The following USH2A variants were observed in gnomAD, a reference collection of about 807,000 sequenced individuals.
USH2A encodes the protein Usher syndrome 2A (autosomal recessive, mild).
USH2A carries 443 observed loss-of-function variants against 538.9 expected under a neutral mutation model. The ratio of observed to expected loss-of-function variants is 0.82; its 90% confidence interval spans 0.76 to 0.89. The LOEUF (loss-of-function observed/expected upper bound fraction) is 0.89, where lower values mean the gene tolerates loss of function less well. Among genes scored for constraint, USH2A ranks in the 40% least tolerant of loss-of-function variants. The probability of loss-of-function intolerance (pLI) is 0.00; values close to 1 mark genes in which losing one functional copy is unlikely to be tolerated. For missense variants in USH2A, 6,633 were observed against 6,324.8 expected (o/e 1.05, Z -1.65); for synonymous variants, 2,413 against 2,273.5 (o/e 1.06, Z -1.75).
At chr1:216,374,560 C>T (rs925622709) in intron 3 of USH2A, among the ~76,000 whole-genome samples, 2 of 152,084 alleles carry the variant, frequency 1.3e-5, no homozygotes, top group African/African-American at 4.8e-5. Context: ...TTCCCCTTTG[C>T]AATTAGCAAA....
intron 32 of USH2A, among the ~76,000 whole-genome samples, chr1:216,017,197 T>A (rs1668734267): frequency 6.6e-6 from 1 of 152,028 alleles, no homozygotes; most frequent in African/African-American, 2.4e-5. Flanking sequence ...TCCTCTCGTG[T>A]TCTCTCTCTA....
intron 31 of USH2A, 29 bp downstream of exon 31, chr1:216,048,505 G>A: frequency 1.9e-6 from 3 of 1,586,264 alleles, no homozygotes; most frequent in Non-Finnish European, 2.6e-6. Flanking sequence ...ACTGAAATGT[G>A]GAAGTCAAGA....
chr1:216,189,046 T>C (rs2034665148), intron 20 of USH2A, among the ~76,000 whole-genome samples: 1 of 151,924 alleles, frequency 6.6e-6, no homozygotes, highest in Non-Finnish European at 1.5e-5. Context: ...AAACAGATAG[T>C]TTTATAGGAG....
intron 21 of USH2A, among the ~76,000 whole-genome samples, chr1:216,130,541 A>C (rs1233385981): frequency 1.4e-5 from 2 of 146,168 alleles, no homozygotes; most frequent in East Asian, 4.0e-4. Context: ...TATATATATA[A>C]AATATATATT....
intron 4 of USH2A, among the ~76,000 whole-genome samples, chr1:216,349,072 G>A (rs2038228931): frequency 6.6e-6 from 1 of 152,054 alleles, no homozygotes; most frequent in African/African-American, 2.4e-5. Context: ...TCTTTGTGTA[G>A]GATAAGCTTA....
intron 37 of USH2A, among the ~76,000 whole-genome samples, chr1:215,938,855 A>G (rs1235839720): frequency 6.6e-6 from 1 of 152,140 alleles, no homozygotes; most frequent in Non-Finnish European, 1.5e-5. Flanking sequence ...CACAACCTAC[A>G]TCAAAATCAC....
At chr1:216,148,404 T>G (rs933163981) in intron 21 of USH2A, among the ~76,000 whole-genome samples, 1 of 152,078 alleles carries the variant, frequency 6.6e-6, no homozygotes, top group African/African-American at 2.4e-5. Flanking sequence ...AAGCCTCCTT[T>G]GCATCCTCCT....
intron 50 of USH2A, among the ~76,000 whole-genome samples, chr1:215,791,216 C>T (rs144525385): frequency 6.6e-6 from 1 of 152,184 alleles, no homozygotes; most frequent in African/African-American, 2.4e-5. Context: ...CTGCATGTCA[C>T]AGTGTTTTTA....
chr1:216,156,298 T>TTTTC (rs1403020600), intron 21 of USH2A, among the ~76,000 whole-genome samples: 30 of 21,782 alleles, frequency 1.4e-3, no homozygotes, highest in East Asian at 4.3e-3. Context: ...TTTTTTTCTT[T>TTTTC]TTTTTTTTTT....
intron 40 of USH2A, among the ~76,000 whole-genome samples, chr1:215,890,280 A>T (rs1665175381): frequency 6.6e-6 from 1 of 152,198 alleles, no homozygotes. Context: ...GGATTTAGTA[A>T]TTGTTTAAAA....
At chr1:216,343,484 C>T (rs1168807027) in intron 4 of USH2A, among the ~76,000 whole-genome samples, 1 of 150,220 alleles carries the variant, frequency 6.7e-6, no homozygotes, top group Non-Finnish European at 1.5e-5. Flanking sequence ...TACGATCATG[C>T]CACTGCACTC....
At chr1:216,149,466 T>C (rs950216956) in intron 21 of USH2A, among the ~76,000 whole-genome samples, 1 of 152,128 alleles carries the variant, frequency 6.6e-6, no homozygotes, top group Non-Finnish European at 1.5e-5. Flanking sequence ...AATGGTCTTT[T>C]AAAAGGCACA....
intron 58 of USH2A, among the ~76,000 whole-genome samples, chr1:215,744,027 A>G (rs970150627): frequency 6.6e-6 from 1 of 152,212 alleles, no homozygotes; most frequent in African/African-American, 2.4e-5. Context: ...CTTAAAACAT[A>G]TAAGGCAATT....
At chr1:215,802,046 G>A (rs1373338786) in intron 49 of USH2A, among the ~76,000 whole-genome samples, 2 of 150,018 alleles carry the variant, frequency 1.3e-5, no homozygotes, top group Admixed American at 1.3e-4. Flanking sequence ...TTTAAAGAAT[G>A]TTGGAAAAGT....
chr1:216,319,655 T>C (rs984881516), intron 9 of USH2A, among the ~76,000 whole-genome samples: 1 of 152,122 alleles, frequency 6.6e-6, no homozygotes, highest in African/African-American at 2.4e-5. Flanking sequence ...AGAAAGAAAG[T>C]AGGCCATAAC....
At position 216,418,665 on chromosome 1, in the gene USH2A, T is replaced by C; in HGVS notation, c.500A>G (p.Lys167Arg). The part of the protein sequence containing the change: ...EQQGVMCVIE[K>R]TVDGQIVFKL... The stretch of plus-strand genomic sequence containing the variant: ...GAACACAATCTGCCCATCTACTGTC[T>C]TTTCTATAACACACCTTAGGAAGCA... The change falls in exon 3 of 72, where the codon AAG becomes AGG. Residue 167 changes from lysine to arginine, a missense_variant. By Grantham distance (26) the Lys-to-Arg change is conservative. Transcript: ENST00000307340. 1 of 1,612,992 alleles carries C rather than the reference T, an allele frequency of 6.2e-7. No homozygotes were observed. The highest frequency in any genetic ancestry group is 8.5e-7 in the Non-Finnish European group (1 of 1,179,372).
intron 30 of USH2A, among the ~76,000 whole-genome samples, chr1:216,057,129 T>C (rs2031003314): frequency 1.3e-5 from 2 of 152,122 alleles, no homozygotes; most frequent in South Asian, 4.1e-4. Context: ...TAAAATAAAA[T>C]GAAAAACTTT....
Position 215,799,058 on chromosome 1 carries a change from G to A in USH2A, c.9807C>T (p.Gly3269=). 1 of 1,614,044 alleles carries A rather than the reference G, an allele frequency of 6.2e-7. No homozygotes were observed. Among genetic ancestry groups the A allele is most frequent in the Non-Finnish European group, 8.5e-7 (1 of 1,179,998 alleles). The part of the protein sequence containing the change: ...VSVGIGDSCC[G]RMPYSTSGNQ... ...TTCCTGAGGTGGAGTACGGCATTCT[G>A]CCACAGCAGGAATCACCAATGCCAA... The change falls in exon 50 of 72, where the codon GGC becomes GGT. Residue 3269 remains glycine (G), a synonymous_variant. Transcript: ENST00000307340.
chr1:216,349,857 G>T (rs1286328403), intron 4 of USH2A, among the ~76,000 whole-genome samples: 2 of 152,110 alleles, frequency 1.3e-5, no homozygotes, highest in Non-Finnish European at 2.9e-5. Flanking sequence ...TTTTAAAAAA[G>T]ATTTTTAGAC....
Sources: gnomAD v4.1 joint callset for allele counts (sites outside exome capture counted in the v4.1 genomes callset) on GRCh38, gnomAD v4.1.1 for gene constraint, MANE v1.5 for transcripts, NCBI Gene and HGNC (gene_info 2026-07-23, HGNC 2026-07-21) for gene names.